Variants in ARHGAP21 observed in about 807,000 individuals in gnomAD.
The protein encoded by ARHGAP21 is rho GTPase-activating protein 21.
ARHGAP21 carries 38 observed loss-of-function variants against 164.6 expected under a neutral mutation model. That is an observed-to-expected ratio of 0.23 (90% CI 0.18 to 0.30). The LOEUF (loss-of-function observed/expected upper bound fraction) is 0.30, where lower values mean the gene tolerates loss of function less well. Ranked by LOEUF, ARHGAP21 falls within the 10% of genes least tolerant of loss-of-function variation. The pLI, the probability that ARHGAP21 is intolerant of heterozygous loss-of-function variation, is 1.00. For synonymous variants in ARHGAP21, 766 were observed against 857.9 expected (o/e 0.89, Z 1.87); for missense variants, 1,822 against 2,370.7 (o/e 0.77, Z 4.81).
chr10:24,646,652 G>A (rs1352392143), intron 4 of ARHGAP21, among the ~76,000 whole-genome samples: 1 of 152,138 alleles, frequency 6.6e-6, no homozygotes, highest in Non-Finnish European at 1.5e-5. Context: ...GCTTGGTCTT[G>A]TAATCCTAGC....
At chr10:24,603,369 T>C (rs2076893635) in intron 12 of ARHGAP21, among the ~76,000 whole-genome samples, 1 of 152,226 alleles carries the variant, frequency 6.6e-6, no homozygotes, top group Non-Finnish European at 1.5e-5. Context: ...CCATTAGTTT[T>C]GGAACCTGAA....
Position 24,621,229 on chromosome 10 carries a change from A to G in ARHGAP21, c.666T>C (p.Pro222=), listed in dbSNP as rs1157146131. The G allele has an allele frequency of 1.2e-6, 2 of 1,613,786 alleles. No individual in the cohort carries two copies. The highest frequency in any genetic ancestry group is 1.1e-5 in the South Asian group (1 of 91,078). ...GCTGTTTGCTCAATGATGAGTCAGG[A>G]GGAGATATTTCAACTGGCTGTGCCA... ...SAMAQPVEIS[P]PDSSLSKQQT... Residue 222 remains proline (P), a synonymous_variant, in exon 9 of 26, where the codon CCT becomes CCC. Transcript: ENST00000396432.
chr10:24,586,250 T>A (rs1293625511), intron 25 of ARHGAP21, 144 bp from the exon 26 acceptor site: 36 of 1,109,780 alleles, frequency 3.2e-5, no homozygotes, highest in African/African-American at 9.5e-5. Flanking sequence ...GCTTTTTTTT[T>A]AATACCTCTT....
chr10:24,631,113 G>T (rs368134157), intron 6 of ARHGAP21, among the ~76,000 whole-genome samples: 1 of 152,138 alleles, frequency 6.6e-6, no homozygotes, highest in South Asian at 2.1e-4. Flanking sequence ...GGGCGAAGTG[G>T]CTTACGTTCC....
intron 2 of ARHGAP21, among the ~76,000 whole-genome samples, chr10:24,708,844 T>TG: frequency 6.6e-6 from 1 of 152,368 alleles, no homozygotes; most frequent in African/African-American, 2.4e-5. Flanking sequence ...CCTCCACTGA[T>TG]GGACACTTAG....
chr10:24,668,171 T>C (rs1840372481), intron 3 of ARHGAP21, among the ~76,000 whole-genome samples: 1 of 152,224 alleles, frequency 6.6e-6, no homozygotes, highest in African/African-American at 2.4e-5. Context: ...GAAATGGAAC[T>C]CAAACCCAGG....
intron 25 of ARHGAP21, among the ~76,000 whole-genome samples, chr10:24,587,941 T>A (rs866845095): frequency 6.6e-6 from 1 of 152,186 alleles, no homozygotes; most frequent in Admixed American, 6.5e-5. Context: ...AAAAGGCTAC[T>A]GTAATAACAG....
At chr10:24,675,701 G>A (rs1396431662) in intron 2 of ARHGAP21, among the ~76,000 whole-genome samples, 3 of 152,054 alleles carry the variant, frequency 2.0e-5, no homozygotes, top group African/African-American at 7.2e-5. Flanking sequence ...TGAGATCTGG[G>A]GAAAACACAC....
In ARHGAP21 at chr10:24,619,900, T is replaced by C. The variant is rs1328591948; in HGVS notation, c.1995A>G (p.Thr665=). The C allele has an allele frequency of 2.2e-5, 35 of 1,614,238 alleles. No homozygotes were observed. Among genetic ancestry groups the C allele is most frequent in the Non-Finnish European group, 2.7e-5 (32 of 1,180,046 alleles). ...LHQNSLLNQQ[T]WVRTDSAPDQ... ...CGGGGGCACTGTCAGTCCTTACCCA[T>C]GTCTGCTGATTCAACAGACTGTTCT... is the stretch of plus-strand genomic sequence containing the variant. Residue 665 remains threonine (T), a synonymous_variant, in exon 9 of 26, where the codon ACA becomes ACG. Transcript: ENST00000396432.
Position 24,650,965 on chromosome 10 carries a change from CA to C in ARHGAP21, c.269-15863del, listed in dbSNP as rs148327240. Among the ~76,000 whole-genome samples, 452 of 129,344 alleles carry C rather than the reference CA, an allele frequency of 3.5e-3. 5 individuals are homozygous for C. In the East Asian group the frequency reaches 0.044, roughly 13 times the overall value. 84.9% of individuals were successfully genotyped at this position (129,344 alleles called of 152,430 possible). ...CATCAATCTCAAAAGGCTGAGGAGA[CA>C]AAAAAAAAAAGGAACTTCAGGGCCA... is the stretch of plus-strand genomic sequence containing the variant. On this transcript the variant is annotated intron_variant, in intron 4 of 25. Transcript: ENST00000396432.
chr10:24,584,631 G>C lies in ARHGAP21; in HGVS notation c.5658C>G (p.Thr1886=). 1 of 1,613,924 alleles carries C rather than the reference G, an allele frequency of 6.2e-7. No individual in the cohort carries two copies. The highest frequency in any genetic ancestry group is 1.1e-5 in the South Asian group (1 of 91,072). The part of the protein sequence containing the change: ...ENPSTREIAT[T]DTPLSLHCNT... Reference sequence around the variant, plus strand: ...TGCAATGAAGAGACAAAGGTGTGTCGGTCGTGGCTATTTCTCGTGTGCTTG... The same window carrying C: ...TGCAATGAAGAGACAAAGGTGTGTCCGTCGTGGCTATTTCTCGTGTGCTTG... The change falls in exon 26 of 26, where the codon ACC becomes ACG. Residue 1886 remains threonine, a synonymous_variant. Coordinates refer to ENST00000396432, the MANE Select transcript of ARHGAP21 (RefSeq NM_020824.4).
chr10:24,714,957 G>A (rs994314272), intron 2 of ARHGAP21, among the ~76,000 whole-genome samples: 40 of 150,956 alleles, frequency 2.6e-4, no homozygotes, highest in African/African-American at 7.1e-4. Context: ...ATGAGCCCGC[G>A]AGGCAGAGCT....
At chr10:24,672,738 A>G (rs796334197) in intron 2 of ARHGAP21, among the ~76,000 whole-genome samples, 39 of 152,234 alleles carry the variant, frequency 2.6e-4, no homozygotes, top group African/African-American at 8.7e-4. Flanking sequence ...CTGCCACAAT[A>G]ATTTGCCTCA....
chr10:24,634,634 C>A (rs112323739), intron 5 of ARHGAP21, among the ~76,000 whole-genome samples: 64 of 152,332 alleles, frequency 4.2e-4, no homozygotes, highest in African/African-American at 1.3e-3. Flanking sequence ...TCAGATCAGG[C>A]ACTTCCAGAA....
chr10:24,631,802 C>T (rs1223729117), intron 6 of ARHGAP21, among the ~76,000 whole-genome samples: 1 of 152,190 alleles, frequency 6.6e-6, no homozygotes, highest in African/African-American at 2.4e-5. Context: ...ACTTGATTAA[C>T]CTCACTTGAC....
In ARHGAP21 at chr10:24,719,427, C is replaced by T. The variant is rs1027926423; in HGVS notation, c.63+2410G>A. On this transcript the variant is annotated intron_variant, in intron 2 of 25. Transcript: ENST00000396432. ...AATCTCTGATTGTTTTTCAACAAAG[C>T]ACAAGGCCTTATTCAGAGAAGGTGG... Among the ~76,000 whole-genome samples the T allele has an allele frequency of 2.6e-5, 4 of 152,214 alleles. 1 individual carries two copies. Among genetic ancestry groups the T allele is most frequent in the Non-Finnish European group, 5.9e-5 (4 of 67,988 alleles).
intron 24 of ARHGAP21, 74 bp downstream of exon 24, chr10:24,591,151 G>T: frequency 1.6e-6 from 2 of 1,256,494 alleles, no homozygotes; most frequent in Non-Finnish European, 2.2e-6. Context: ...AATTCACTAT[G>T]ATTGATTTGC....
intron 14 of ARHGAP21, among the ~76,000 whole-genome samples, chr10:24,598,854 C>T (rs1002765982): frequency 6.6e-5 from 10 of 152,150 alleles, no homozygotes; most frequent in African/African-American, 2.2e-4. Context: ...TTAAATCCTA[C>T]CCCTGATGCT....
At chr10:24,594,891 G>T in intron 21 of ARHGAP21, 59 bp downstream of exon 21, 1 of 1,350,846 alleles carries the variant, frequency 7.4e-7, no homozygotes, top group Non-Finnish European at 1.0e-6. Context: ...AAGTAATGAA[G>T]CATATCTTTT....
Sources: allele counts gnomAD v4.1 joint callset (sites outside exome capture counted in the v4.1 genomes callset), GRCh38; gene constraint gnomAD v4.1.1; transcripts MANE v1.5; gene names NCBI Gene and HGNC (gene_info 2026-07-23, HGNC 2026-07-21).